Variants in UGGT1 observed in about 807,000 individuals in gnomAD.
The protein encoded by UGGT1 is UDP-glucose:glycoprotein glucosyltransferase 1.
In UGGT1, 107 loss-of-function variants were observed where a neutral mutation model predicts 203.9. The observed-to-expected ratio is 0.52, with a 90% CI of 0.45 to 0.62. The LOEUF (loss-of-function observed/expected upper bound fraction) is 0.62. Ranked by LOEUF, UGGT1 falls within the 20% of genes least tolerant of loss-of-function variation. UGGT1 has a pLI of 0.00. For missense variants in UGGT1, 1,673 were observed against 1,867.2 expected (o/e 0.90, Z 1.92); for synonymous variants, 628 against 653.5 (o/e 0.96, Z 0.59).
At position 128,163,176 on chromosome 2, in the gene UGGT1, A is replaced by C. The variant is rs1690611926; in HGVS notation, c.2826-1554A>C. Among the ~76,000 whole-genome samples, 2 of 152,212 alleles carry C rather than the reference A, an allele frequency of 1.3e-5. 1 individual carries two copies. The highest frequency in any genetic ancestry group is 4.1e-4 in the South Asian group (2 of 4,836). ...CTTGACATGTTTTGTAACCGTGTTG[A>C]CACATCACAGGAAGAGAATGGCCTG... On this transcript the variant is annotated intron_variant, in intron 25 of 40. Transcript: ENST00000259253.
At chr2:128,125,667 A>G (rs958643959) in intron 11 of UGGT1, among the ~76,000 whole-genome samples, 3 of 152,184 alleles carry the variant, frequency 2.0e-5, no homozygotes, top group East Asian at 1.9e-4. Flanking sequence ...TCAATTCACT[A>G]TCTTTACCCC....
At chr2:128,138,691 T>C (rs899915132) in intron 15 of UGGT1, 26 bp from the exon 16 acceptor site, 4 of 1,603,734 alleles carry the variant, frequency 2.5e-6, no homozygotes, top group Non-Finnish European at 3.4e-6. Flanking sequence ...GACATGTTTC[T>C]TTTTTTCTTT....
chr2:128,176,937 A>G, intron 32 of UGGT1, 39 bp downstream of exon 32: 1 of 1,570,700 alleles, frequency 6.4e-7, no homozygotes, highest in African/African-American at 1.4e-5. Flanking sequence ...GTTATTGGAC[A>G]GCTGTCATTT....
intron 2 of UGGT1, among the ~76,000 whole-genome samples, chr2:128,101,925 G>GT (rs1221561454): frequency 6.6e-6 from 1 of 151,832 alleles, no homozygotes; most frequent in Non-Finnish European, 1.5e-5. Flanking sequence ...GTTGTTTGTA[G>GT]TTTTTTTTGT....
intron 40 of UGGT1, among the ~76,000 whole-genome samples, chr2:128,188,941 C>G (rs1014663625): frequency 6.6e-6 from 1 of 152,202 alleles, no homozygotes; most frequent in Non-Finnish European, 1.5e-5. Context: ...AATTCCGATT[C>G]ATCAGTAAAA....
At chr2:128,118,177 A>G (rs6430989) in intron 8 of UGGT1, among the ~76,000 whole-genome samples, 135,344 of 151,992 alleles carry the variant, frequency 0.89, 61,247 homozygotes, top group Non-Finnish European at 0.98. Context: ...CTACATGTAT[A>G]TACATTTCTT....
chr2:128,105,342 T>A (rs1169252344), intron 3 of UGGT1, among the ~76,000 whole-genome samples: 6 of 150,018 alleles, frequency 4.0e-5, no homozygotes, highest in African/African-American at 1.5e-4. Flanking sequence ...TTGGGCTAAT[T>A]AAAAAAATTT....
chr2:128,109,726 T>A lies in UGGT1; in HGVS notation c.501T>A (p.Leu167=). ...KTCESDTLEA[L]LLTASERPKP... ...GTGAATCTGATACCCTTGAGGCTCTTCTACTGACAGCCTCTGAAAGGTAGA... is the reference window on the plus strand; with the variant it reads ...GTGAATCTGATACCCTTGAGGCTCTACTACTGACAGCCTCTGAAAGGTAGA... The change falls in exon 5 of 41, where the codon CTT becomes CTA. Residue 167 remains leucine (L), a synonymous_variant. Coordinates refer to ENST00000259253, the MANE Select transcript of UGGT1 (RefSeq NM_020120.4). 6.2e-7 allele frequency: 1 copy of A among 1,613,714 alleles called. No homozygotes were observed. The highest frequency in any genetic ancestry group is 8.5e-7 in the Non-Finnish European group (1 of 1,179,588).
Position 128,100,388 on chromosome 2 carries a change from G to A in UGGT1, c.194+2824G>A, listed in dbSNP as rs112180200. On this transcript the variant is annotated intron_variant, in intron 2 of 40. Transcript: ENST00000259253. ...CATTTTGTACAATTAACTGTAACAG[G>A]TGTTTTTGTGATATTCTGTTTAACA... Among the ~76,000 whole-genome samples, 446 of 151,514 alleles carry A rather than the reference G, an allele frequency of 2.9e-3. 3 individuals carry two copies. Among genetic ancestry groups the A allele is most frequent in the Non-Finnish European group, 4.8e-3 (326 of 67,912 alleles).
intron 18 of UGGT1, among the ~76,000 whole-genome samples, chr2:128,152,382 C>T (rs1313686413): frequency 6.6e-6 from 1 of 152,176 alleles, no homozygotes; most frequent in East Asian, 1.9e-4. Flanking sequence ...TGGTCTTGAA[C>T]TCATAACCTC....
Position 128,178,535 on chromosome 2 carries a change from G to A in UGGT1, c.3781G>A (p.Val1261Ile), listed in dbSNP as rs758327010. The change falls in exon 34 of 41, where the codon GTT becomes ATT. Residue 1261 changes from valine to isoleucine, a missense_variant. Physicochemically the swap from Val to Ile is conservative, Grantham distance 29 (BLOSUM62 3). Transcript: ENST00000259253. ...AGATGACATAATTAATATTTTCTCCGTTGCATCTGGTCATCTCTACGAAAG... is the reference window on the plus strand; with the variant it reads ...AGATGACATAATTAATATTTTCTCCATTGCATCTGGTCATCTCTACGAAAG... ...DKDDIINIFS[V>I]ASGHLYERFL... 9.3e-6 allele frequency: 15 copies of A among 1,613,466 alleles called. No individual in the cohort carries two copies. Among genetic ancestry groups the A allele is most frequent in the South Asian group, 7.7e-5 (7 of 91,052 alleles).
In UGGT1 at chr2:128,112,454, T is replaced by TTTTATATATATATATA. The variant is rs149422257; in HGVS notation, c.522-629_522-628insTTATATATATATATAT. On this transcript the variant is annotated intron_variant, in intron 5 of 40. Coordinates refer to ENST00000259253, the MANE Select transcript of UGGT1 (RefSeq NM_020120.4). ...AAAAAACCCCCCAAAAAATACTATG[T>TTTTATATATATATATA]TATATATATATATATATATTACATA... is the stretch of plus-strand genomic sequence containing the variant. Among the ~76,000 whole-genome samples, 26 of 55,810 alleles carry TTTTATATATATATATA rather than the reference T, an allele frequency of 4.7e-4. 2 individuals carry two copies. Among genetic ancestry groups the TTTTATATATATATATA allele is most frequent in the African/African-American group, 1.3e-3 (24 of 18,912 alleles). The allele number at this position is 55,810 out of a possible 152,430, so 36.6% of individuals were successfully genotyped here. A position where few individuals can be genotyped will look rare whatever the true frequency, so the allele number is the denominator to read the frequency against.
At chr2:128,155,443 A>G in intron 19 of UGGT1, 46 bp from the exon 20 acceptor site, 1 of 1,384,216 alleles carries the variant, frequency 7.2e-7, no homozygotes, top group Non-Finnish European at 1.0e-6. Context: ...TATTAAGAAT[A>G]GATTGAACTG....
At chr2:128,132,221 T>A (rs1260045702) in intron 13 of UGGT1, among the ~76,000 whole-genome samples, 1 of 151,118 alleles carries the variant, frequency 6.6e-6, no homozygotes, top group Non-Finnish European at 1.5e-5. Context: ...TTTTTTCCGA[T>A]TTTTTTTTAC....
chr2:128,107,582 A>G (rs1457724650), intron 3 of UGGT1, among the ~76,000 whole-genome samples: 1 of 152,222 alleles, frequency 6.6e-6, no homozygotes, highest in African/African-American at 2.4e-5. Context: ...TCTGGGATTG[A>G]GGAAGAGGTT....
chr2:128,148,591 A>G (rs1225115508), intron 18 of UGGT1, among the ~76,000 whole-genome samples: 1 of 152,114 alleles, frequency 6.6e-6, no homozygotes, highest in Non-Finnish European at 1.5e-5. Flanking sequence ...TTAGTCTTCC[A>G]TTTTTGCTTG....
At position 128,091,227 on chromosome 2, in the gene UGGT1, G is replaced by T. The variant is rs1686838400; in HGVS notation, c.-131G>T. On this transcript the variant is annotated 5_prime_UTR_variant, in exon 1 of 41. Transcript: ENST00000259253. Reference sequence around the variant, plus strand: ...CTGGGCAATTGCTTTGCGAGGCTGGGTGTTGAGTCGAGCCGCGGGAAAGGC... The same window carrying T: ...CTGGGCAATTGCTTTGCGAGGCTGGTTGTTGAGTCGAGCCGCGGGAAAGGC... 9.9e-7 allele frequency: 1 copy of T among 1,014,776 alleles called. No homozygotes were observed. 62.9% of individuals were successfully genotyped at this position (1,014,776 alleles called of 1,614,324 possible). A position where few individuals can be genotyped will look rare whatever the true frequency, so the allele number is the denominator to read the frequency against.
chr2:128,170,313 G>A lies in UGGT1; in HGVS notation c.2947G>A (p.Gly983Arg). ...TGCAATCAAACTGAGGCCGAAGGAA[G>A]GGGAGACATACTTTGATGTTGTGGC... ...HSAIKLRPKE[G>R]ETYFDVVAVV... The change falls in exon 27 of 41, where the codon GGG becomes AGG. Residue 983 changes from glycine (G) to arginine (R), a missense_variant. Gly to Arg is a moderately radical substitution (Grantham distance 125). This residue lies in a region of UGGT1 where 1,073 missense variants were observed against 1,078.7 expected (regional missense o/e 0.99). Transcript: ENST00000259253. 1 of 1,614,224 alleles carries A rather than the reference G, an allele frequency of 6.2e-7. No individual in the cohort carries two copies. The highest frequency in any genetic ancestry group is 8.5e-7 in the Non-Finnish European group (1 of 1,180,026).
rs1687974718 is a variant in UGGT1, at chr2:128,113,745, CCGAGGCGGGCGG to C, written c.696+488_696+499del. Among the ~76,000 whole-genome samples the C allele has an allele frequency of 1.9e-3, 6 of 3,166 alleles. 2 individuals carry two copies. The highest frequency in any genetic ancestry group is 2.2e-3 in the African/African-American group (6 of 2,704). 2.1% of individuals were successfully genotyped at this position (3,166 alleles called of 152,430 possible). ...CCTGTAATCCCAGCACTTTGGGAGGCCGAGGCGGGCGGATCACGAGGTCAGGAGATCGAGACC... is the reference window on the plus strand; with the variant it reads ...CCTGTAATCCCAGCACTTTGGGAGGCATCACGAGGTCAGGAGATCGAGACC... On this transcript the variant is annotated intron_variant, in intron 6 of 40. Transcript: ENST00000259253.
Sources: gnomAD v4.1 joint callset for allele counts (sites outside exome capture counted in the v4.1 genomes callset) on GRCh38, gnomAD v4.1.1 for gene constraint, gnomAD v4.1.1 regional missense constraint, MANE v1.5 for transcripts, NCBI Gene and HGNC (gene_info 2026-07-23, HGNC 2026-07-21) for gene names.